Variants in RNF13 observed in about 807,000 individuals in gnomAD.
RNF13 encodes the protein E3 ubiquitin-protein ligase RNF13.
In RNF13, 19 loss-of-function variants were observed where a neutral mutation model predicts 37.7. That is an observed-to-expected ratio of 0.50 (90% CI 0.35 to 0.74). RNF13 has a LOEUF of 0.74. Ranked by LOEUF, RNF13 falls within the 30% of genes least tolerant of loss-of-function variation. The pLI is 0.01. For synonymous variants in RNF13, 144 were observed against 157.8 expected (o/e 0.91, Z 0.65); for missense variants, 375 against 453.0 (o/e 0.83, Z 1.56).
intron 8 of RNF13, among the ~76,000 whole-genome samples, chr3:149,931,500 A>C (rs938689533): frequency 2.6e-5 from 4 of 151,998 alleles, no homozygotes; most frequent in African/African-American, 9.7e-5. Flanking sequence ...TTTCTTTTCT[A>C]ACATATATAT....
chr3:149,960,190 T>G (rs1311682374), intron 9 of RNF13, 54 bp downstream of exon 9: 3 of 1,208,962 alleles, frequency 2.5e-6, no homozygotes, highest in Non-Finnish European at 3.7e-6. Context: ...TATATTTAGG[T>G]TCCATATTCC....
intron 3 of RNF13, among the ~76,000 whole-genome samples, chr3:149,864,239 G>A (rs535357086): frequency 1.4e-4 from 21 of 151,838 alleles, no homozygotes; most frequent in South Asian, 6.2e-4. Flanking sequence ...GTTCCTGTAC[G>A]AGCTAGTTGT....
intron 7 of RNF13, among the ~76,000 whole-genome samples, chr3:149,920,705 C>A (rs1162236725): frequency 1.3e-5 from 2 of 150,580 alleles, no homozygotes; most frequent in Non-Finnish European, 2.9e-5. Context: ...TGCATTATTT[C>A]TGCCTGTTAT....
In RNF13 at chr3:149,871,856, T is replaced by A. The variant is rs529761435; in HGVS notation, c.196-173T>A. On this transcript the variant is annotated intron_variant, in intron 3 of 9. Transcript: ENST00000392894. ...GAACTTATTTTAGAAAACTAAATGC[T>A]TGTGAAAGCAAATGCTGCTTTAGAA... Among the ~76,000 whole-genome samples, 7 of 152,326 alleles carry A rather than the reference T, an allele frequency of 4.6e-5. No individual in the cohort carries two copies. In the South Asian group the frequency reaches 1.4e-3, roughly 32 times the overall value.
intron 8 of RNF13, among the ~76,000 whole-genome samples, chr3:149,943,866 G>T (rs1019058695): frequency 2.6e-5 from 4 of 151,794 alleles, no homozygotes; most frequent in Non-Finnish European, 4.4e-5. Context: ...CAACGTGCAG[G>T]TTTGTTACAT....
intron 9 of RNF13, among the ~76,000 whole-genome samples, chr3:149,960,376 G>A (rs1008780319): frequency 1.3e-5 from 2 of 152,098 alleles, no homozygotes; most frequent in African/African-American, 4.8e-5. Flanking sequence ...CAGATCATGA[G>A]GTCAGGAGAT....
At chr3:149,828,042 A>T (rs1353154317) in intron 1 of RNF13, among the ~76,000 whole-genome samples, 4 of 152,112 alleles carry the variant, frequency 2.6e-5, no homozygotes, top group Non-Finnish European at 5.9e-5. Context: ...AGCCATGTTA[A>T]GTTTCATGTT....
At chr3:149,822,647 C>T (rs1720097876) in intron 1 of RNF13, 2 of 152,242 alleles carry the variant, frequency 1.3e-5, no homozygotes, top group South Asian at 4.1e-4. Context: ...TATTATCTTA[C>T]TATACTTGGG....
chr3:149,869,537 C>T (rs1283873619), intron 3 of RNF13, among the ~76,000 whole-genome samples: 2 of 150,934 alleles, frequency 1.3e-5, no homozygotes, highest in Non-Finnish European at 3.0e-5. Flanking sequence ...ACCCGGGAGG[C>T]GGAGCTTGCA....
intron 2 of RNF13, among the ~76,000 whole-genome samples, chr3:149,847,359 C>T (rs1722745055): frequency 6.6e-6 from 1 of 152,128 alleles, no homozygotes; most frequent in Non-Finnish European, 1.5e-5. Flanking sequence ...AACTGATTTG[C>T]TTAATGATAT....
intron 8 of RNF13, among the ~76,000 whole-genome samples, chr3:149,927,532 C>A (rs1048100822): frequency 1.3e-5 from 2 of 152,154 alleles, no homozygotes; most frequent in Non-Finnish European, 2.9e-5. Flanking sequence ...TTATGAGGAA[C>A]CTGGATACTG....
At chr3:149,879,086 C>G (rs1713077610) in intron 4 of RNF13, among the ~76,000 whole-genome samples, 1 of 152,172 alleles carries the variant, frequency 6.6e-6, no homozygotes, top group African/African-American at 2.4e-5. Context: ...CCAGAACCAT[C>G]CAGTATCTGT....
intron 7 of RNF13, among the ~76,000 whole-genome samples, chr3:149,916,181 GTTATA>G (rs1717488864): frequency 6.6e-6 from 1 of 151,776 alleles, no homozygotes; most frequent in Admixed American, 6.6e-5. Flanking sequence ...CCTTCTCATA[GTTATA>G]TAGACATTCA....
chr3:149,839,866 C>T (rs534800817), intron 1 of RNF13, among the ~76,000 whole-genome samples: 46 of 152,238 alleles, frequency 3.0e-4, no homozygotes, highest in African/African-American at 1.0e-3. Flanking sequence ...TTGCATTTGT[C>T]TTTACTGTTT....
rs1464663717 is a variant in RNF13, at chr3:149,961,149, A to G, written c.*45A>G. 6 of 1,500,062 alleles carry G rather than the reference A, an allele frequency of 4.0e-6. No individual in the cohort carries two copies. 92.9% of individuals were successfully genotyped at this position (1,500,062 alleles called of 1,614,324 possible). On this transcript the variant is annotated 3_prime_UTR_variant, in exon 10 of 10. Coordinates refer to ENST00000392894, the MANE Select transcript of RNF13 (RefSeq NM_183381.3). ...TTATTTCCCTTTAAAATGATTAGGT[A>G]TATACTGTAATTTGATTTTTTGCTC...
intron 8 of RNF13, among the ~76,000 whole-genome samples, chr3:149,955,860 AT>A (rs1721811512): frequency 6.6e-6 from 1 of 152,134 alleles, no homozygotes; most frequent in South Asian, 2.1e-4. Context: ...TTCTACATCA[AT>A]TTGTCTGCAC....
At chr3:149,843,550 C>T (rs1257757881) in intron 1 of RNF13, among the ~76,000 whole-genome samples, 3 of 152,166 alleles carry the variant, frequency 2.0e-5, no homozygotes, top group Admixed American at 6.5e-5. Flanking sequence ...TGCTACATGT[C>T]ATTGAATACA....
chr3:149,848,212 G>A lies in RNF13; in HGVS notation c.114+2072G>A, dbSNP rs182384998. Among the ~76,000 whole-genome samples, 26 of 152,174 alleles carry A rather than the reference G, an allele frequency of 1.7e-4. No individual in the cohort carries two copies. In the East Asian group the frequency reaches 4.2e-3, roughly 25 times the overall value. On this transcript the variant is annotated intron_variant, in intron 2 of 9. Transcript: ENST00000392894. ...TTTAATTTAGAGACAAAAAAAAAAT[G>A]TTAGGTATGGAAGAATGGTCAATCC...
chr3:149,848,637 G>A (rs1722859289), intron 2 of RNF13, among the ~76,000 whole-genome samples: 1 of 152,198 alleles, frequency 6.6e-6, no homozygotes, highest in Non-Finnish European at 1.5e-5. Flanking sequence ...AGGGCTTGGG[G>A]TGCTGCTTTT....
Sources: gnomAD v4.1 joint callset for allele counts (sites outside exome capture counted in the v4.1 genomes callset) on GRCh38, gnomAD v4.1.1 for gene constraint, MANE v1.5 for transcripts, NCBI Gene and HGNC (gene_info 2026-07-23, HGNC 2026-07-21) for gene names.